The following CD247 variants were observed in gnomAD, a reference collection of about 807,000 sequenced individuals.
CD247 encodes the protein CD247 molecule.
In CD247, 13 loss-of-function variants were observed where a neutral mutation model predicts 30.0. The observed-to-expected ratio is 0.43, with a 90% confidence interval of 0.28 to 0.69. CD247 has a LOEUF of 0.69. Ranked by LOEUF, CD247 falls within the 30% of genes least tolerant of loss-of-function variation. CD247 has a pLI of 0.16. For synonymous variants in CD247, 72 were observed against 80.0 expected, an observed-to-expected ratio of 0.90 and a Z score of 0.53; for missense variants, 193 against 212.6, an observed-to-expected ratio of 0.91 and a Z score of 0.57.
chr1:167,460,272 C>T (rs375152970), intron 1 of CD247, among the ~76,000 whole-genome samples: 9 of 151,918 alleles, frequency 5.9e-5, no homozygotes, highest in African/African-American at 1.5e-4. Flanking sequence ...TGTGGTGGTG[C>T]GCACCTGTAG....
At chr1:167,503,029 T>A (rs192428303) in intron 1 of CD247, among the ~76,000 whole-genome samples, 59 of 152,234 alleles carry the variant, frequency 3.9e-4, no homozygotes, top group Admixed American at 3.9e-3. Flanking sequence ...AGTAAGAACA[T>A]GGGAAGTGAG....
intron 1 of CD247, among the ~76,000 whole-genome samples, chr1:167,455,658 C>T (rs1307831246): frequency 6.6e-6 from 1 of 152,236 alleles, no homozygotes; most frequent in Admixed American, 6.5e-5. Context: ...GAGCTGCTCA[C>T]ACGCTGCCGC....
rs560472160 is a variant in CD247 at position 167,431,609 on chromosome 1, A to C, written c.*72T>G. 1.6e-6 allele frequency: 2 copies of C among 1,252,634 alleles called. No homozygotes were observed. The highest frequency in any genetic ancestry group is 2.9e-5 in the African/African-American group (2 of 67,990). The allele number at this position is 1,252,634 out of a possible 1,614,324, so 77.6% of individuals were successfully genotyped here. On this transcript the variant is annotated 3_prime_UTR_variant, in exon 8 of 8. Transcript: ENST00000362089. ...GCTGAGAAGAGTGAACCGGGTTGTA[A>C]ATGCTTCATCCTGTGTCTCATAATC...
chr1:167,462,384 G>A (rs1030065558), intron 1 of CD247, among the ~76,000 whole-genome samples: 8 of 152,240 alleles, frequency 5.3e-5, no homozygotes, highest in Non-Finnish European at 8.8e-5. Context: ...TGTGGTTTAG[G>A]GAACAGGCCG....
At chr1:167,459,004 G>A (rs1052095142) in intron 1 of CD247, among the ~76,000 whole-genome samples, 10 of 151,566 alleles carry the variant, frequency 6.6e-5, no homozygotes, top group African/African-American at 4.8e-5. Flanking sequence ...GCACTGTGGC[G>A]TGCGCCTGTT....
At chr1:167,477,019 G>A (rs1399828797) in intron 1 of CD247, among the ~76,000 whole-genome samples, 1 of 152,320 alleles carries the variant, frequency 6.6e-6, no homozygotes, top group African/African-American at 2.4e-5. Flanking sequence ...ATAGATGGAA[G>A]AGGCTATTGG....
intron 1 of CD247, among the ~76,000 whole-genome samples, chr1:167,458,321 A>C (rs1652809387): frequency 6.6e-6 from 1 of 152,170 alleles, no homozygotes; most frequent in South Asian, 2.1e-4. Flanking sequence ...TGGGATTGGG[A>C]TGTTTTCTCA....
At chr1:167,442,379 A>G (rs1339136915) in intron 1 of CD247, among the ~76,000 whole-genome samples, 1 of 152,144 alleles carries the variant, frequency 6.6e-6, no homozygotes, top group African/African-American at 2.4e-5. Flanking sequence ...AGTGGAGGCC[A>G]TATGTGGGAG....
At chr1:167,503,481 C>T (rs1220478679) in intron 1 of CD247, among the ~76,000 whole-genome samples, 5 of 152,196 alleles carry the variant, frequency 3.3e-5, no homozygotes, top group African/African-American at 9.7e-5. Context: ...CCTCCCTTCC[C>T]CCTGGGAACG....
chr1:167,493,404 A>G (rs1283165340), intron 1 of CD247, among the ~76,000 whole-genome samples: 4 of 152,228 alleles, frequency 2.6e-5, no homozygotes, highest in African/African-American at 4.8e-5. Context: ...TCTGCTTCTC[A>G]GAATAAGCAT....
At chr1:167,509,822 TG>T (rs1467119516) in intron 1 of CD247, among the ~76,000 whole-genome samples, 1 of 151,964 alleles carries the variant, frequency 6.6e-6, no homozygotes, top group Non-Finnish European at 1.5e-5. Context: ...TTTCCGCAGG[TG>T]GGGGATGGAG....
At chr1:167,469,412 A>G (rs934459625) in intron 1 of CD247, among the ~76,000 whole-genome samples, 1 of 152,232 alleles carries the variant, frequency 6.6e-6, no homozygotes, top group African/African-American at 2.4e-5. Context: ...CCAGTTAAAC[A>G]AGGGAATTCA....
chr1:167,469,584 C>A (rs569407282), intron 1 of CD247, among the ~76,000 whole-genome samples: 14 of 152,094 alleles, frequency 9.2e-5, no homozygotes, highest in African/African-American at 3.4e-4. Context: ...GTTTTCCAAG[C>A]GATTTTATTT....
intron 1 of CD247, among the ~76,000 whole-genome samples, chr1:167,493,037 CTTTTTTTT>C (rs60850667): frequency 2.5e-5 from 2 of 80,366 alleles, no homozygotes; most frequent in Non-Finnish European, 4.4e-5. Context: ...AATTTTTCTC[CTTTTTTTT>C]TTTTTTTTTT....
rs1348131513 is a variant in CD247, at chr1:167,501,141, G to A, written c.58+17267C>T. On this transcript the variant is annotated intron_variant, in intron 1 of 7. Coordinates refer to ENST00000362089, the MANE Select transcript of CD247 (RefSeq NM_198053.3). ...GCGATCTCGGCTCACCACAACCTCCGCCTCCCGGGTTCAAGCCATTCTCCT... is the reference window on the plus strand; with the variant it reads ...GCGATCTCGGCTCACCACAACCTCCACCTCCCGGGTTCAAGCCATTCTCCT... Among the ~76,000 whole-genome samples the A allele has an allele frequency of 2.8e-5, 4 of 143,138 alleles. No individual in the cohort carries two copies. In the East Asian group the frequency reaches 6.3e-4, roughly 23 times the overall value. 93.9% of individuals were successfully genotyped at this position (143,138 alleles called of 152,430 possible). A position where few individuals can be genotyped will look rare whatever the true frequency, so the allele number is the denominator to read the frequency against.
chr1:167,433,259 A>G (rs553076257), intron 6 of CD247, among the ~76,000 whole-genome samples, 200 bp from the exon 7 acceptor site: 1 of 152,202 alleles, frequency 6.6e-6, no homozygotes. Flanking sequence ...AGGCCTGGCC[A>G]TGATGGGGCT....
At chr1:167,449,149 C>CTTTTTTTTTT (rs71097676) in intron 1 of CD247, among the ~76,000 whole-genome samples, 2 of 66,418 alleles carry the variant, frequency 3.0e-5, no homozygotes, top group Non-Finnish European at 2.5e-5. Flanking sequence ...TTTTTCTTTT[C>CTTTTTTTTTT]TTTTTTTTTT....
At chr1:167,471,214 C>A (rs1193694821) in intron 1 of CD247, among the ~76,000 whole-genome samples, 1 of 152,076 alleles carries the variant, frequency 6.6e-6, no homozygotes, top group Non-Finnish European at 1.5e-5. Context: ...GAAACATGTA[C>A]CCTAAAAGAC....
chr1:167,482,168 A>G (rs1232928206), intron 1 of CD247, among the ~76,000 whole-genome samples: 2 of 152,186 alleles, frequency 1.3e-5, no homozygotes, highest in African/African-American at 4.8e-5. Flanking sequence ...AACCCACAGT[A>G]GGTTCAGCCC....
Sources: gnomAD v4.1 joint callset for allele counts (sites outside exome capture counted in the v4.1 genomes callset) on GRCh38, gnomAD v4.1.1 for gene constraint, MANE v1.5 for transcripts, NCBI Gene and HGNC (gene_info 2026-07-23, HGNC 2026-07-21) for gene names.